Variants in TRAPPC9 observed in about 807,000 individuals in gnomAD.
The protein encoded by TRAPPC9 is trafficking protein particle complex subunit 9.
In TRAPPC9, 83 loss-of-function variants were observed where a neutral mutation model predicts 124.0. The ratio of observed to expected loss-of-function variants is 0.67; its 90% CI spans 0.56 to 0.80. The LOEUF (loss-of-function observed/expected upper bound fraction) is 0.80, where lower values mean the gene tolerates loss of function less well. TRAPPC9 is among the 30% of genes least tolerant of loss of function. The pLI, the probability that TRAPPC9 is intolerant of heterozygous loss-of-function variation, is 0.00. For synonymous variants in TRAPPC9, 638 were observed against 617.5 expected (o/e 1.03, Z -0.49); for missense variants, 1,302 against 1,508.3 (o/e 0.86, Z 2.27).
At chr8:139,883,850 G>A (rs1022633036) in intron 21 of TRAPPC9, among the ~76,000 whole-genome samples, 4 of 152,178 alleles carry the variant, frequency 2.6e-5, no homozygotes, top group Non-Finnish European at 4.4e-5. Flanking sequence ...CCTGGGGCAA[G>A]TGCCAGCCTC....
At chr8:140,274,436 G>A (rs1377110201) in intron 15 of TRAPPC9, among the ~76,000 whole-genome samples, 1 of 152,242 alleles carries the variant, frequency 6.6e-6, no homozygotes, top group Non-Finnish European at 1.5e-5. Flanking sequence ...TCCCTCCCCA[G>A]GGCAAGGCTC....
chr8:140,009,376 C>A (rs1838972846), intron 18 of TRAPPC9, among the ~76,000 whole-genome samples: 1 of 152,176 alleles, frequency 6.6e-6, no homozygotes, highest in South Asian at 2.1e-4. Flanking sequence ...ATCAGGAAAA[C>A]CAATCATGTA....
intron 17 of TRAPPC9, among the ~76,000 whole-genome samples, chr8:140,105,554 A>G (rs902201592): frequency 2.6e-5 from 4 of 152,146 alleles, no homozygotes; most frequent in African/African-American, 9.7e-5. Flanking sequence ...GACGTGCCCT[A>G]TCTTTTCACG....
chr8:140,274,903 C>T lies in TRAPPC9; in HGVS notation c.2278+755G>A, dbSNP rs565308735. ...ATACGTCAAAAGCACATAAAACACC[C>T]CAAAGTCCTGCTAACTTGCTTTCCC... is the stretch of plus-strand genomic sequence containing the variant. On this transcript the variant is annotated intron_variant, in intron 15 of 22. Transcript: ENST00000438773. 6.9e-4 allele frequency among the ~76,000 whole-genome samples: 105 copies of T among 152,294 alleles called. 1 individual carries two copies. The highest frequency in any genetic ancestry group is 1.9e-4 in the East Asian group (1 of 5,188).
chr8:140,038,351 C>A (rs1322707232), intron 17 of TRAPPC9, among the ~76,000 whole-genome samples: 1 of 152,200 alleles, frequency 6.6e-6, no homozygotes, highest in African/African-American at 2.4e-5. Context: ...TGGCCTGACA[C>A]CCCTGAGGCT....
At chr8:140,427,698 T>A (rs183143739) in intron 4 of TRAPPC9, among the ~76,000 whole-genome samples, 2 of 152,170 alleles carry the variant, frequency 1.3e-5, no homozygotes, top group Non-Finnish European at 2.9e-5. Context: ...TTCAAAAAGG[T>A]ATGTCCCAAT....
At chr8:140,133,539 C>T (rs2061241883) in intron 17 of TRAPPC9, among the ~76,000 whole-genome samples, 2 of 152,136 alleles carry the variant, frequency 1.3e-5, no homozygotes, top group East Asian at 3.9e-4. Context: ...CTATTCAATC[C>T]CGAATCAGAG....
intron 17 of TRAPPC9, among the ~76,000 whole-genome samples, chr8:140,032,016 A>G (rs192398032): frequency 0.027 from 4,184 of 152,306 alleles, 165 homozygotes; most frequent in African/African-American, 0.096. Context: ...CGATGAGCCC[A>G]GTGCCATAGA....
At chr8:139,948,504 G>A (rs1834421359) in intron 19 of TRAPPC9, among the ~76,000 whole-genome samples, 1 of 152,206 alleles carries the variant, frequency 6.6e-6, no homozygotes, top group African/African-American at 2.4e-5. Context: ...TAAGACAGAG[G>A]GGCAGGCAGG....
intron 16 of TRAPPC9, among the ~76,000 whole-genome samples, chr8:140,229,568 G>A (rs912085319): frequency 1.3e-5 from 2 of 150,090 alleles, no homozygotes; most frequent in African/African-American, 4.9e-5. Flanking sequence ...CACCGCACCC[G>A]GCCTCTTTTT....
At chr8:140,070,996 AG>A (rs1843133092) in intron 17 of TRAPPC9, among the ~76,000 whole-genome samples, 1 of 152,252 alleles carries the variant, frequency 6.6e-6, no homozygotes, top group African/African-American at 2.4e-5. Flanking sequence ...CAACGGGAGC[AG>A]GACCACCAAG....
chr8:140,295,925 T>C (rs2065791100), intron 11 of TRAPPC9, among the ~76,000 whole-genome samples: 1 of 152,158 alleles, frequency 6.6e-6, no homozygotes. Context: ...TTGCGTTATA[T>C]CTCAGAAAAA....
At chr8:139,906,582 A>C (rs533916084) in intron 20 of TRAPPC9, among the ~76,000 whole-genome samples, 91 of 152,132 alleles carry the variant, frequency 6.0e-4, no homozygotes, top group African/African-American at 2.1e-3. Context: ...GGGGGAAGAG[A>C]GGATTGGGAA....
At chr8:139,824,161 A>G (rs955270826) in intron 21 of TRAPPC9, among the ~76,000 whole-genome samples, 3 of 152,212 alleles carry the variant, frequency 2.0e-5, no homozygotes, top group Non-Finnish European at 4.4e-5. Context: ...CATTAAAGAA[A>G]GTGGTCAGGT....
At position 139,833,826 on chromosome 8, in the gene TRAPPC9, G is replaced by C. The variant is rs1323229623; in HGVS notation, c.3055+52053C>G. Among the ~76,000 whole-genome samples, 3 of 152,238 alleles carry C rather than the reference G, an allele frequency of 2.0e-5. No individual in the cohort carries two copies. The East Asian group carries it at 5.8e-4, about 29-fold the overall frequency. On this transcript the variant is annotated intron_variant, in intron 21 of 22. Coordinates refer to ENST00000438773, the MANE Select transcript of TRAPPC9 (RefSeq NM_001160372.4). ...TCCGCTTCAGGAGCAGGAGGGGCCG[G>C]GAATGAACTTGAGTGTGGGGGAGGG...
chr8:140,426,208 T>C (rs1043510261), intron 5 of TRAPPC9, among the ~76,000 whole-genome samples: 24 of 152,222 alleles, frequency 1.6e-4, no homozygotes, highest in Middle Eastern at 3.2e-3. Flanking sequence ...ACGAGATTTC[T>C]TTCCCTGTTA....
chr8:140,132,637 C>T (rs2061228371), intron 17 of TRAPPC9, among the ~76,000 whole-genome samples: 1 of 152,112 alleles, frequency 6.6e-6, no homozygotes, highest in Non-Finnish European at 1.5e-5. Flanking sequence ...ACCAAGTGAA[C>T]CGAAAAGACC....
chr8:140,300,157 G>T (rs1235230287), intron 11 of TRAPPC9, among the ~76,000 whole-genome samples: 1 of 152,214 alleles, frequency 6.6e-6, no homozygotes, highest in Non-Finnish European at 1.5e-5. Flanking sequence ...AAACTTCCAT[G>T]ACAGACTGCA....
At chr8:139,922,975 C>T (rs1351773473) in intron 19 of TRAPPC9, among the ~76,000 whole-genome samples, 1 of 152,200 alleles carries the variant, frequency 6.6e-6, no homozygotes, top group Admixed American at 6.5e-5. Context: ...AACACTGTGG[C>T]AGCCTCCCTC....
Sources: allele counts gnomAD v4.1 joint callset (sites outside exome capture counted in the v4.1 genomes callset), GRCh38; gene constraint gnomAD v4.1.1; transcripts MANE v1.5; gene names NCBI Gene and HGNC (gene_info 2026-07-23, HGNC 2026-07-21).